ATP6V1A: variants seen among roughly 807,000 people sequenced by gnomAD.
ATP6V1A encodes the protein ATPase H+ transporting V1 subunit A, also known as V-type proton ATPase catalytic subunit A.
Under a neutral mutation model 70.1 loss-of-function variants are expected in ATP6V1A, and 18 were observed. The ratio of observed to expected loss-of-function variants is 0.26; its 90% CI spans 0.18 to 0.38. The LOEUF (loss-of-function observed/expected upper bound fraction) is 0.38. Among genes scored for constraint, ATP6V1A ranks in the 10% least tolerant of loss-of-function variants. The pLI is 1.00. For synonymous variants in ATP6V1A, 232 were observed against 253.8 expected (o/e 0.91, Z 0.82); for missense variants, 424 against 772.4 (o/e 0.55, Z 5.35).
At chr3:113,759,990 G>A (rs1260195601) in intron 1 of ATP6V1A, among the ~76,000 whole-genome samples, 1 of 152,210 alleles carries the variant, frequency 6.6e-6, no homozygotes, top group Non-Finnish European at 1.5e-5. Flanking sequence ...AATCACAAGA[G>A]TAGTAAGTGC....
chr3:113,761,318 T>C (rs1022378939), intron 1 of ATP6V1A, among the ~76,000 whole-genome samples: 33 of 152,126 alleles, frequency 2.2e-4, no homozygotes, highest in African/African-American at 7.5e-4. Context: ...CTTGTATGTG[T>C]GTCAGTCTCA....
In ATP6V1A at chr3:113,777,373, T is replaced by C. The variant is rs150598518; in HGVS notation, c.-13-1368T>C. ...TCATTTGTTACATTGTGAAAAGTGC[T>C]ATGGTATAAAATAGGGAAGGAGGAA... On this transcript the variant is annotated intron_variant, in intron 1 of 14. Transcript: ENST00000273398. 2.4e-3 allele frequency among the ~76,000 whole-genome samples: 361 copies of C among 152,356 alleles called. 2 individuals carry two copies. The highest frequency in any genetic ancestry group is 8.4e-3 in the African/African-American group (351 of 41,584).
At chr3:113,807,335 A>C (rs1050510302) in intron 14 of ATP6V1A, among the ~76,000 whole-genome samples, 2 of 151,562 alleles carry the variant, frequency 1.3e-5, no homozygotes, top group African/African-American at 4.9e-5. Flanking sequence ...TGCATTCACC[A>C]CACCCAGCTA....
At position 113,809,280 on chromosome 3, in the gene ATP6V1A, A is replaced by G. The variant is rs548228795; in HGVS notation, c.1762-55A>G. The G allele has an allele frequency of 7.6e-5, 113 of 1,487,248 alleles. No homozygotes were observed. In the South Asian group the frequency reaches 1.2e-3, roughly 16 times the overall value. The allele number at this position is 1,487,248 out of a possible 1,614,324, so 92.1% of individuals were successfully genotyped here. A position where few individuals can be genotyped will look rare whatever the true frequency, so the allele number is the denominator to read the frequency against. Reference sequence around the variant, plus strand: ...CAAAAAAAAAAAAGTAACTTAACATACGTAATGAAAATTATTTTCCAAATG... The same window carrying G: ...CAAAAAAAAAAAAGTAACTTAACATGCGTAATGAAAATTATTTTCCAAATG... On this transcript the variant is annotated intron_variant, in intron 14 of 14. Transcript: ENST00000273398.
At chr3:113,752,106 A>T (rs977540280) in intron 1 of ATP6V1A, among the ~76,000 whole-genome samples, 18 of 151,950 alleles carry the variant, frequency 1.2e-4, no homozygotes, top group African/African-American at 4.3e-4. Context: ...CCTTTAAAAA[A>T]ATTTTATCTG....
At chr3:113,777,289 A>G (rs934301339) in intron 1 of ATP6V1A, among the ~76,000 whole-genome samples, 6 of 152,238 alleles carry the variant, frequency 3.9e-5, no homozygotes, top group African/African-American at 1.4e-4. Context: ...AAGGAAAAAC[A>G]CTCATAGTTA....
intron 1 of ATP6V1A, among the ~76,000 whole-genome samples, chr3:113,763,825 G>A (rs145402269): frequency 9.9e-5 from 15 of 151,174 alleles, no homozygotes; most frequent in African/African-American, 3.6e-4. Context: ...TAGATTAGGT[G>A]AAATATGGTG....
intron 8 of ATP6V1A, among the ~76,000 whole-genome samples, 179 bp downstream of exon 8, chr3:113,790,019 C>G (rs1709074735): frequency 4.6e-5 from 7 of 152,078 alleles, no homozygotes; most frequent in Admixed American, 4.6e-4. Flanking sequence ...CCTGTGGTCC[C>G]AGTACTTTGG....
At chr3:113,755,110 CAA>C (rs1012946144) in intron 1 of ATP6V1A, among the ~76,000 whole-genome samples, 1 of 152,024 alleles carries the variant, frequency 6.6e-6, no homozygotes, top group African/African-American at 2.4e-5. Flanking sequence ...ATTAATATAA[CAA>C]AGAGATGAAG....
At chr3:113,763,444 G>A (rs914956027) in intron 1 of ATP6V1A, among the ~76,000 whole-genome samples, 3 of 152,170 alleles carry the variant, frequency 2.0e-5, no homozygotes, top group African/African-American at 7.2e-5. Flanking sequence ...AATCTGCAGT[G>A]ATCCAAAGTA....
intron 6 of ATP6V1A, 26 bp from the exon 7 acceptor site, chr3:113,788,687 A>T: frequency 6.2e-7 from 1 of 1,603,042 alleles, no homozygotes; most frequent in Non-Finnish European, 8.5e-7. Context: ...AAGTCAAGTA[A>T]TCCATACTTT....
At chr3:113,776,327 G>A (rs533565440) in intron 1 of ATP6V1A, among the ~76,000 whole-genome samples, 3 of 152,170 alleles carry the variant, frequency 2.0e-5, no homozygotes, top group East Asian at 1.9e-4. Flanking sequence ...CCGTGATCAC[G>A]CCACTGCACT....
intron 8 of ATP6V1A, among the ~76,000 whole-genome samples, chr3:113,790,299 T>A: frequency 8.3e-6 from 1 of 120,276 alleles, no homozygotes; most frequent in Non-Finnish European, 1.6e-5. Flanking sequence ...CAAGACTCTG[T>A]CTCAAAAAAA....
At chr3:113,808,103 C>G (rs1709297628) in intron 14 of ATP6V1A, among the ~76,000 whole-genome samples, 2 of 148,232 alleles carry the variant, frequency 1.3e-5, no homozygotes, top group Non-Finnish European at 3.0e-5. Flanking sequence ...GCACTCCAGC[C>G]TGGACAACAA....
At position 113,809,439 on chromosome 3, in the gene ATP6V1A, A is replaced by G; in HGVS notation, c.*12A>G. The G allele has an allele frequency of 6.2e-7, 1 of 1,607,144 alleles. No individual in the cohort carries two copies. ...GCCTTGAAGATTAGAAGCCTTGAAG[A>G]TTACAACTGTGATTTCCTTTTCCTC... On this transcript the variant is annotated 3_prime_UTR_variant, in exon 15 of 15. Transcript: ENST00000273398.
intron 1 of ATP6V1A, among the ~76,000 whole-genome samples, chr3:113,762,873 C>T (rs1020956801): frequency 3.3e-5 from 5 of 151,924 alleles, no homozygotes; most frequent in Non-Finnish European, 7.4e-5. Context: ...ACAATAAACA[C>T]GTATATAAAT....
Position 113,784,384 on chromosome 3 carries a change from G to T in ATP6V1A, c.372G>T (p.Val124=), listed in dbSNP as rs372411018. The change falls in exon 4 of 15, where the codon GTG becomes GTT. Residue 124 remains valine (V), a synonymous_variant. Coordinates refer to ENST00000273398, the MANE Select transcript of ATP6V1A (RefSeq NM_001690.4). ...QSIYIPRGVN[V]SALSRDIKWD... is the part of the protein sequence containing the mutation. ...TCTACATCCCCAGAGGAGTAAACGT[G>T]TCTGCTCTTAGCAGAGATATCAAAT... is the stretch of plus-strand genomic sequence containing the variant. 1 of 1,614,178 alleles carries T rather than the reference G, an allele frequency of 6.2e-7. No individual in the cohort carries two copies. The highest frequency in any genetic ancestry group is 1.1e-5 in the South Asian group (1 of 91,086).
chr3:113,757,572 A>G (rs989251983), intron 1 of ATP6V1A, among the ~76,000 whole-genome samples: 2 of 152,226 alleles, frequency 1.3e-5, no homozygotes, highest in African/African-American at 2.4e-5. Context: ...CTGATATGCC[A>G]TTAGCCCCAT....
intron 12 of ATP6V1A, among the ~76,000 whole-genome samples, chr3:113,802,249 C>CAAACTT (rs10637806): frequency 0.36 from 55,020 of 151,650 alleles, 9,973 homozygotes; most frequent in African/African-American, 0.4. Context: ...TTTTATGAAA[C>CAAACTT]AAGACTGAGA....
Sources: gnomAD v4.1 joint callset for allele counts (sites outside exome capture counted in the v4.1 genomes callset) on GRCh38, gnomAD v4.1.1 for gene constraint, MANE v1.5 for transcripts, NCBI Gene and HGNC (gene_info 2026-07-23, HGNC 2026-07-21) for gene names.